The following UNC79 variants were observed in gnomAD, a reference collection of about 807,000 sequenced individuals.
UNC79 encodes protein unc-79 homolog.
A neutral mutation model predicts 283.1 loss-of-function variants in UNC79; 37 were observed. That is an observed-to-expected ratio of 0.13 (90% CI 0.10 to 0.17). The LOEUF is 0.17. Among genes scored for constraint, UNC79 ranks in the 10% least tolerant of loss-of-function variants. The pLI, the probability that UNC79 is intolerant of heterozygous loss-of-function variation, is 1.00. For synonymous variants in UNC79, 1,107 were observed against 1,200.2 expected (o/e 0.92, Z 1.61); for missense variants, 2,272 against 3,211.1 (o/e 0.71, Z 7.07).
In UNC79 at chr14:93,418,690, C is replaced by T. The variant is rs534159109; in HGVS notation, c.-350-48981C>T. Among the ~76,000 whole-genome samples the T allele has an allele frequency of 5.5e-3, 843 of 151,926 alleles. 26 individuals are homozygous for T. Among genetic ancestry groups the T allele is most frequent in the Non-Finnish European group, 8.8e-3 (597 of 67,872 alleles). On this transcript the variant is annotated intron_variant, in intron 1 of 49. Transcript: ENST00000256339. ...TGGGCTCCACCCAGTTCGAGCTTCC[C>T]GCCTGCTTTGTTTACCTAAGCAAGC... is the stretch of plus-strand genomic sequence containing the variant.
intron 23 of UNC79, among the ~76,000 whole-genome samples, chr14:93,596,259 A>T (rs2065073346): frequency 6.6e-6 from 1 of 152,236 alleles, no homozygotes; most frequent in Non-Finnish European, 1.5e-5. Context: ...TGGGATGGAA[A>T]GGCCACTCTA....
intron 25 of UNC79, among the ~76,000 whole-genome samples, chr14:93,602,480 T>A (rs1190638934): frequency 6.6e-6 from 1 of 152,230 alleles, no homozygotes; most frequent in Non-Finnish European, 1.5e-5. Flanking sequence ...TTAATACAAG[T>A]ACCATGCTGT....
chr14:93,603,278 A>G, exon 26 of UNC79: 1 of 1,614,220 alleles, frequency 6.2e-7, no homozygotes, highest in South Asian at 1.1e-5. Flanking sequence ...AACCTCAGCG[A>G]TGCAGCCTTA....
chr14:93,626,151 C>T lies in UNC79; in HGVS notation c.5608+3310C>T, dbSNP rs1030424284. ...AACCTGACAATCGTAACATATTTTCCTGGTCCATTCACATTTCCAGTCTCC... is the reference window on the plus strand; with the variant it reads ...AACCTGACAATCGTAACATATTTTCTTGGTCCATTCACATTTCCAGTCTCC... On this transcript the variant is annotated intron_variant, in intron 30 of 48. Transcript: ENST00000555664. 2.0e-5 allele frequency among the ~76,000 whole-genome samples: 3 copies of T among 152,324 alleles called. 1 individual carries two copies. The highest frequency in any genetic ancestry group is 4.2e-4 in the South Asian group (2 of 4,816).
At chr14:93,562,439 A>T (rs917732969) in intron 14 of UNC79, among the ~76,000 whole-genome samples, 3 of 152,186 alleles carry the variant, frequency 2.0e-5, no homozygotes, top group Admixed American at 6.5e-5. Context: ...GCGTCCACAT[A>T]AAAGTTCAAA....
intron 1 of UNC79, among the ~76,000 whole-genome samples, chr14:93,390,269 A>C (rs886725129): frequency 7.2e-5 from 11 of 152,356 alleles, no homozygotes; most frequent in Admixed American, 3.3e-4. Context: ...AAGTCAACAT[A>C]TATTCATGAT....
intron 40 of UNC79, among the ~76,000 whole-genome samples, chr14:93,666,092 G>A (rs1166974567): frequency 1.3e-5 from 2 of 151,804 alleles, no homozygotes; most frequent in Non-Finnish European, 2.9e-5. Flanking sequence ...TGTGTGGTTG[G>A]AGACTGGAGT....
intron 11 of UNC79, among the ~76,000 whole-genome samples, chr14:93,533,958 A>G (rs1281047217): frequency 6.6e-6 from 1 of 152,192 alleles, no homozygotes; most frequent in East Asian, 1.9e-4. Context: ...GTGATATGTC[A>G]CTGATTAAAC....
At chr14:93,604,844 G>C in intron 26 of UNC79, 52 bp from the exon 27 acceptor site, 1 of 1,489,316 alleles carries the variant, frequency 6.7e-7, no homozygotes, top group Non-Finnish European at 8.9e-7. Flanking sequence ...TATTTTCTAG[G>C]CTCCAGTTGT....
intron 14 of UNC79, among the ~76,000 whole-genome samples, chr14:93,564,588 G>T (rs1286682068): frequency 6.6e-6 from 1 of 152,242 alleles, no homozygotes; most frequent in Non-Finnish European, 1.5e-5. Context: ...ACGCGTCCAT[G>T]TGAAGAGACC....
intron 48 of UNC79, among the ~76,000 whole-genome samples, chr14:93,705,057 A>T (rs1455306054): frequency 6.6e-6 from 1 of 152,074 alleles, no homozygotes. Context: ...CAACATAGCG[A>T]GACCCCATCT....
chr14:93,696,317 G>A (rs891975061), intron 47 of UNC79, among the ~76,000 whole-genome samples: 1 of 152,000 alleles, frequency 6.6e-6, no homozygotes, highest in South Asian at 2.1e-4. Flanking sequence ...ATGTATGTTG[G>A]GCAAATACCT....
At chr14:93,707,758 T>C (rs2075950361), downstream of UNC79, 1 of 152,256 alleles carries the variant, frequency 6.6e-6, no homozygotes, top group Non-Finnish European at 1.5e-5. Context: ...ATACCTAGCG[T>C]TGGACTGTGC....
rs146476572 is a variant in UNC79, at chr14:93,640,609, CAG to C, written c.5801-533_5801-532del. ...CGCCACTGCATTCCAACCAGGGTGA[CAG>C]AGCAAGACCTTGTCACAAACAAACA... On this transcript the variant is annotated intron_variant, in intron 32 of 48. Coordinates refer to ENST00000555664, the Ensembl canonical transcript of UNC79. 3.3e-3 allele frequency among the ~76,000 whole-genome samples: 510 copies of C among 152,332 alleles called. 2 individuals are homozygous for C. The highest frequency in any genetic ancestry group is 0.011 in the African/African-American group (478 of 41,582).
intron 30 of UNC79, 108 bp downstream of exon 32, chr14:93,622,949 AGGGTG>A: frequency 4.3e-6 from 6 of 1,398,816 alleles, no homozygotes; most frequent in Non-Finnish European, 5.8e-6. Flanking sequence ...TTATAATGTC[AGGGTG>A]TGACATTATA....
intron 1 of UNC79, among the ~76,000 whole-genome samples, chr14:93,387,188 C>A (rs1167335088): frequency 1.3e-5 from 2 of 152,058 alleles, no homozygotes; most frequent in Admixed American, 6.5e-5. Flanking sequence ...GGTGATCCAC[C>A]CGCCTCGGCC....
chr14:93,519,206 A>G (rs1267431568), intron 7 of UNC79, among the ~76,000 whole-genome samples: 4 of 151,794 alleles, frequency 2.6e-5, no homozygotes, highest in Non-Finnish European at 5.9e-5. Flanking sequence ...TATGTTTTCT[A>G]GGTTAATTGA....
In UNC79 at chr14:93,531,921, A is replaced by C. The variant is rs1028809602; in HGVS notation, c.1094-629A>C. Reference sequence around the variant, plus strand: ...AGATTAAATTTGTTTGGCTTTAACAAGATTTGATTTCTAAGTCATGTCTGA... The same window carrying C: ...AGATTAAATTTGTTTGGCTTTAACACGATTTGATTTCTAAGTCATGTCTGA... On this transcript the variant is annotated intron_variant, in intron 10 of 48. Transcript: ENST00000555664. This position sits in a 1 kb window ranked among gnomAD's most constrained non-coding sequence, Gnocchi z 4.2. 6.6e-6 allele frequency among the ~76,000 whole-genome samples: 1 copy of C among 152,226 alleles called. No homozygotes were observed. The highest frequency in any genetic ancestry group is 1.5e-5 in the Non-Finnish European group (1 of 68,040).
chr14:93,400,456 C>A (rs1012675629), intron 1 of UNC79, among the ~76,000 whole-genome samples: 3 of 152,020 alleles, frequency 2.0e-5, no homozygotes, highest in African/African-American at 7.3e-5. Flanking sequence ...CAGATAAGTG[C>A]CACATGAATG....
Sources: gnomAD v4.1 joint callset for allele counts (sites outside exome capture counted in the v4.1 genomes callset) on GRCh38, gnomAD v4.1.1 for gene constraint, Gnocchi (gnomAD v3.1) non-coding constraint, MANE v1.5 for transcripts, NCBI Gene and HGNC (gene_info 2026-07-23, HGNC 2026-07-21) for gene names.